Variants in SMAP1 observed in about 807,000 individuals in gnomAD.
SMAP1 encodes the protein stromal membrane-associated protein 1.
SMAP1 carries 24 observed loss-of-function variants against 58.5 expected under a neutral mutation model. The observed-to-expected ratio is 0.41, with a 90% CI of 0.30 to 0.58. The LOEUF is 0.58. Among genes scored for constraint, SMAP1 ranks in the 20% least tolerant of loss-of-function variants. SMAP1 has a pLI of 0.29. For synonymous variants in SMAP1, 216 were observed against 196.6 expected, an observed-to-expected ratio of 1.10 and a Z score of -0.82; for missense variants, 563 against 566.3, an observed-to-expected ratio of 0.99 and a Z score of 0.06.
At position 70,807,665 on chromosome 6, in the gene SMAP1, A is replaced by T. The variant is rs1360718320; in HGVS notation, c.576+8928A>T. 2.6e-5 allele frequency among the ~76,000 whole-genome samples: 4 copies of T among 152,226 alleles called. No individual in the cohort carries two copies. In the East Asian group the frequency reaches 5.8e-4, roughly 22 times the overall value. On this transcript the variant is annotated intron_variant, in intron 6 of 10. Transcript: ENST00000370455. ...TTTATAGGTTTTCTCAAAGGTTTAC[A>T]TATCAAAGCATGGAACATGCAAAAT...
At chr6:70,724,749 C>T (rs998391134) in intron 1 of SMAP1, among the ~76,000 whole-genome samples, 3 of 152,038 alleles carry the variant, frequency 2.0e-5, no homozygotes, top group South Asian at 4.1e-4. Context: ...AAAACATGAA[C>T]GTGACACAGA....
chr6:70,693,525 A>G (rs2149820649), intron 1 of SMAP1, among the ~76,000 whole-genome samples: 1 of 151,994 alleles, frequency 6.6e-6, no homozygotes, highest in South Asian at 2.1e-4. Flanking sequence ...GATGGTCTCC[A>G]TCTCTTGACC....
intron 7 of SMAP1, among the ~76,000 whole-genome samples, chr6:70,847,006 A>G (rs961807797): frequency 6.6e-6 from 1 of 152,204 alleles, no homozygotes; most frequent in Admixed American, 6.5e-5. Context: ...AACTTGTATT[A>G]AAATATGAAG....
chr6:70,733,310 A>G (rs1433043197), intron 2 of SMAP1, among the ~76,000 whole-genome samples: 1 of 152,192 alleles, frequency 6.6e-6, no homozygotes, highest in African/African-American at 2.4e-5. Context: ...CAGAATGGAG[A>G]TCTTCAGGCT....
At chr6:70,841,297 A>G (rs1170182025) in intron 7 of SMAP1, among the ~76,000 whole-genome samples, 1 of 152,168 alleles carries the variant, frequency 6.6e-6, no homozygotes, top group East Asian at 1.9e-4. Flanking sequence ...CCATCTGTGT[A>G]CCACATGCGC....
intron 2 of SMAP1, among the ~76,000 whole-genome samples, chr6:70,737,228 A>G (rs545608328): frequency 5.9e-5 from 9 of 152,036 alleles, no homozygotes; most frequent in Non-Finnish European, 1.3e-4. Context: ...TGCAACCTTC[A>G]CCTCCTGGGT....
chr6:70,791,133 C>T (rs796812015), intron 4 of SMAP1, among the ~76,000 whole-genome samples: 21 of 152,308 alleles, frequency 1.4e-4, no homozygotes, highest in African/African-American at 4.8e-4. Context: ...TATAATAAGT[C>T]TGCTGCTCAG....
At chr6:70,730,606 A>C (rs1765392193) in intron 1 of SMAP1, among the ~76,000 whole-genome samples, 1 of 152,236 alleles carries the variant, frequency 6.6e-6, no homozygotes, top group Non-Finnish European at 1.5e-5. Flanking sequence ...TCTCAAATTT[A>C]AAAGCAGGAT....
intron 1 of SMAP1, among the ~76,000 whole-genome samples, chr6:70,677,180 AT>A (rs78899089): frequency 1.5e-3 from 205 of 134,800 alleles, no homozygotes; most frequent in East Asian, 2.7e-3. Context: ...TATATATATA[AT>A]TTTTTTTTTT....
chr6:70,736,005 T>G (rs576535907), intron 2 of SMAP1, among the ~76,000 whole-genome samples: 1 of 151,266 alleles, frequency 6.6e-6, no homozygotes, highest in Non-Finnish European at 1.5e-5. Flanking sequence ...AAAATGTTCT[T>G]TGTGTGTGTG....
At chr6:70,668,668 C>G (rs1473249927) in intron 1 of SMAP1, 7 of 1,535,868 alleles carry the variant, frequency 4.6e-6, no homozygotes, top group Non-Finnish European at 6.1e-6. Flanking sequence ...AGCTTTTGTA[C>G]AAGGCTTTTA....
intron 1 of SMAP1, among the ~76,000 whole-genome samples, chr6:70,696,720 C>T (rs1288486784): frequency 6.6e-6 from 1 of 152,122 alleles, no homozygotes; most frequent in Non-Finnish European, 1.5e-5. Context: ...TATTCTGCAG[C>T]TGTTGGATGA....
At chr6:70,731,559 A>G (rs538104218) in intron 1 of SMAP1, among the ~76,000 whole-genome samples, 46 of 152,348 alleles carry the variant, frequency 3.0e-4, no homozygotes, top group African/African-American at 1.1e-3. Context: ...CTCTTTCCTT[A>G]CCACCAGTTA....
chr6:70,836,328 T>G (rs968009264), intron 6 of SMAP1, among the ~76,000 whole-genome samples: 1 of 151,992 alleles, frequency 6.6e-6, no homozygotes, highest in African/African-American at 2.4e-5. Context: ...AAACTACCCC[T>G]TATAATACCG....
intron 1 of SMAP1, among the ~76,000 whole-genome samples, chr6:70,677,763 A>G (rs1766545342): frequency 6.6e-6 from 1 of 152,174 alleles, no homozygotes; most frequent in African/African-American, 2.4e-5. Flanking sequence ...CTGATGATTT[A>G]GGTCTTGCTG....
intron 1 of SMAP1, among the ~76,000 whole-genome samples, chr6:70,669,766 A>G (rs1201575441): frequency 6.6e-6 from 1 of 152,226 alleles, no homozygotes; most frequent in Admixed American, 6.5e-5. Flanking sequence ...TAAATATTAA[A>G]TCTGTTCATT....
intron 1 of SMAP1, among the ~76,000 whole-genome samples, chr6:70,717,874 G>T (rs1211570565): frequency 2.0e-5 from 3 of 152,150 alleles, no homozygotes; most frequent in Non-Finnish European, 4.4e-5. Flanking sequence ...AATACTTGAT[G>T]ATGAGAAAAT....
intron 5 of SMAP1, among the ~76,000 whole-genome samples, chr6:70,797,181 A>G (rs1374833805): frequency 1.3e-5 from 2 of 152,200 alleles, no homozygotes; most frequent in Non-Finnish European, 2.9e-5. Flanking sequence ...AAAATTTTGA[A>G]CTAAGATGTA....
At chr6:70,798,984 C>T (rs1768730016) in intron 6 of SMAP1, among the ~76,000 whole-genome samples, 2 of 151,978 alleles carry the variant, frequency 1.3e-5, no homozygotes, top group East Asian at 3.9e-4. Flanking sequence ...CTGTGAATGA[C>T]ATAGAGAATG....
Sources: allele counts gnomAD v4.1 joint callset (sites outside exome capture counted in the v4.1 genomes callset), GRCh38; gene constraint gnomAD v4.1.1; transcripts MANE v1.5; gene names NCBI Gene and HGNC (gene_info 2026-07-23, HGNC 2026-07-21).